PRSS36: variants seen among roughly 807,000 people sequenced by gnomAD.
PRSS36 encodes the protein polyserase-2.
PRSS36 carries 90 observed loss-of-function variants against 94.3 expected under a neutral mutation model. That is an observed-to-expected ratio of 0.95 (90% confidence interval 0.80 to 1.14). The LOEUF is 1.14. Ranked by LOEUF, PRSS36 falls within the 50% of genes most tolerant of loss-of-function variation. PRSS36 has a pLI of 0.00. For synonymous variants in PRSS36, 500 were observed against 489.6 expected, an observed-to-expected ratio of 1.02 and a Z score of -0.28; for missense variants, 1,158 against 1,135.0, an observed-to-expected ratio of 1.02 and a Z score of -0.29.
At chr16:31,148,983 G>A (rs2057849551) in intron 4 of PRSS36, 90 bp downstream of exon 4, 1 of 1,350,436 alleles carries the variant, frequency 7.4e-7, no homozygotes, top group Admixed American at 2.6e-5. Context: ...TTATCCTTGA[G>A]GACGGAAGTG....
At position 31,140,275 on chromosome 16, in the gene PRSS36, G is replaced by T; in HGVS notation, c.2289+19C>A. 6.3e-7 allele frequency: 1 copy of T among 1,591,240 alleles called. No individual in the cohort carries two copies. The highest frequency in any genetic ancestry group is 1.1e-5 in the South Asian group (1 of 89,184). ...ACTGCCTCTCCCCTGCCTACTCCAG[G>T]ACGCCCAGGCCCCTGTACCTCACAC... On this transcript the variant is annotated intron_variant, in intron 14 of 14. Transcript: ENST00000268281.
chr16:31,143,752 C>T lies in PRSS36; in HGVS notation c.806G>A (p.Arg269Gln), dbSNP rs766781807. 1.4e-5 allele frequency: 23 copies of T among 1,614,016 alleles called. No homozygotes were observed. The East Asian group carries it at 2.0e-4, about 14-fold the overall frequency. ...AGTGAAAACTCCAGGGCGGTTTCTC[C>T]GTCCACAGCCAAAGCCAAAGCTGGT... ...GITSFGFGCGRRNRPGVFTAV... is the reference protein window; with the variant it reads ...GITSFGFGCGQRNRPGVFTAV... Residue 269 changes from arginine to glutamine, a missense_variant, in exon 7 of 15, where the codon CGG (arginine) becomes CAG (glutamine). Coordinates refer to ENST00000268281, the MANE Select transcript of PRSS36 (RefSeq NM_173502.5).
rs754263964 is a variant in PRSS36 at position 31,141,859 on chromosome 16, G to C, written c.1623C>G (p.Phe541Leu). Residue 541 changes from phenylalanine to leucine, a missense_variant, in exon 11 of 15, where the codon TTC becomes TTG. Transcript: ENST00000268281. ...TCCATGGGCCATGAGTCTGCAGAGGGAAGAAGGCTCGGGGACGTAGACAGC... is the reference window on the plus strand; with the variant it reads ...TCCATGGGCCATGAGTCTGCAGAGGCAAGAAGGCTCGGGGACGTAGACAGC... Reference protein sequence around the residue: ...PSGCLRPRAFFPLQTHGPWIS... With the variant: ...PSGCLRPRAFLPLQTHGPWIS... 2.5e-6 allele frequency: 4 copies of C among 1,614,192 alleles called. No individual in the cohort carries two copies. The highest frequency in any genetic ancestry group is 3.4e-6 in the Non-Finnish European group (4 of 1,180,020).
rs141659398 is a variant in PRSS36, at chr16:31,148,629, C to T, written c.319G>A (p.Val107Met). The part of the protein sequence containing the change: ...PAAEWSVLLG[V>M]HSQDGPLDGA... The stretch of plus-strand genomic sequence containing the variant: ...TCCAGGGGCCCGTCCTGGGAGTGCA[C>T]GCCCAGCAGTACCGACCACTCGGCC... The change falls in exon 5 of 15, where the codon GTG becomes ATG. Residue 107 changes from valine to methionine, a missense_variant. Coordinates refer to ENST00000268281, the MANE Select transcript of PRSS36 (RefSeq NM_173502.5). The T allele has an allele frequency of 8.3e-5, 134 of 1,612,390 alleles. 1 individual carries two copies. The African/African-American group carries it at 1.5e-3, about 18-fold the overall frequency.
chr16:31,141,076 G>A (rs900735001), intron 12 of PRSS36, among the ~76,000 whole-genome samples: 1 of 152,098 alleles, frequency 6.6e-6, no homozygotes, highest in Non-Finnish European at 1.5e-5. Flanking sequence ...ACAGGCGCCT[G>A]CCACCACCCC....
In PRSS36 at chr16:31,143,785, G is replaced by T; in HGVS notation, c.773C>A (p.Ala258Glu). Residue 258 changes from alanine (A) to glutamate (E), a missense_variant, in exon 7 of 15, where the codon GCA (alanine) becomes GAA (glutamate). By Grantham distance (107) the Ala-to-Glu change is moderately radical. Transcript: ENST00000268281. ...VCEEGGRWFQ[A>E]GITSFGFGCG... ...GCCAAAGCCAAAGCTGGTGATTCCT[G>T]CCTGGAACCAGCGGCCGCCTTCCTC... is the stretch of plus-strand genomic sequence containing the variant. 1 of 1,614,082 alleles carries T rather than the reference G, an allele frequency of 6.2e-7. No individual in the cohort carries two copies. Among genetic ancestry groups the T allele is most frequent in the South Asian group, 1.1e-5 (1 of 91,082 alleles).
rs776517037 is a variant in PRSS36 at position 31,141,912 on chromosome 16, G to C, written c.1570C>G (p.Leu524Val). ...LLCQEEGTWF[L>V]AGIRDFPSGC... ...CTGGGAAAGTCTCTGATTCCAGCCA[G>C]AAACCAGGTCCCCTCCTCCTGGCAC... The change falls in exon 11 of 15, where the codon CTG becomes GTG. Residue 524 changes from leucine (L) to valine (V), a missense_variant. Physicochemically the swap from Leu to Val is conservative, Grantham distance 32. Coordinates refer to ENST00000268281, the MANE Select transcript of PRSS36 (RefSeq NM_173502.5). 5 of 1,614,058 alleles carry C rather than the reference G, an allele frequency of 3.1e-6. No individual in the cohort carries two copies. The South Asian group carries it at 5.5e-5, about 18-fold the overall frequency.
rs1191774584 is a variant in PRSS36 at position 31,148,415 on chromosome 16, C to T, written c.533G>A (p.Trp178Ter). 7 of 1,571,676 alleles carry T rather than the reference C, an allele frequency of 4.5e-6. No homozygotes were observed. The highest frequency in any genetic ancestry group is 2.3e-5 in the East Asian group (1 of 43,436). Residue 178 changes from tryptophan to a stop codon, truncating the protein, a stop_gained, in exon 5 of 15, where the codon TGG (tryptophan) becomes TAG (stop). Transcript: ENST00000268281. LOFTEE classifies it high-confidence loss of function. ...CTCACCTGCCTCCTGGACGTCTCCC[C>T]AGCCGGTGGCCCAGCAGGCGGTGCC... ...VHGTACWATG[W>*]GDVQEADPLP...
rs763215979 is a variant in PRSS36, at chr16:31,140,532, G to A, written c.2127C>T (p.Ala709=). The A allele has an allele frequency of 1.5e-5, 24 of 1,576,904 alleles. No individual in the cohort carries two copies. The highest frequency in any genetic ancestry group is 1.7e-4 in the Middle Eastern group (1 of 5,878). The change falls in exon 13 of 15, where the codon GCC becomes GCT. Residue 709 remains alanine, a synonymous_variant. Coordinates refer to ENST00000268281, the MANE Select transcript of PRSS36 (RefSeq NM_173502.5). Reference sequence around the variant, plus strand: ...CTTTCCAGCCCAACACCCAGCAGCTGGCCCCCGGGGGGATACCCGCCGGGT... The same window carrying A: ...CTTTCCAGCCCAACACCCAGCAGCTAGCCCCCGGGGGGATACCCGCCGGGT... The part of the protein sequence containing the change: ...CLHPAGIPPG[A]SCWVLGWKEP...
At position 31,139,244 on chromosome 16, in the gene PRSS36, C is replaced by A; in HGVS notation, c.2462G>T (p.Trp821Leu). The A allele has an allele frequency of 6.2e-7, 1 of 1,614,038 alleles. No individual in the cohort carries two copies. Among genetic ancestry groups the A allele is most frequent in the Middle Eastern group, 1.7e-4 (1 of 6,060 alleles). The change falls in exon 15 of 15, where the codon TGG becomes TTG. Residue 821 changes from tryptophan (W) to leucine (L), a missense_variant. Coordinates refer to ENST00000268281, the MANE Select transcript of PRSS36 (RefSeq NM_173502.5). ...NFLPPSGSPH[W>L]PTGGSNLCPP... ...GCAGAGATTGCTGCCTCCAGTGGGC[C>A]AGTGTGGGGAGCCACTGGGGGGCAG... is the stretch of plus-strand genomic sequence containing the variant.
At chr16:31,146,761 C>A (rs2057804249) in intron 5 of PRSS36, among the ~76,000 whole-genome samples, 2 of 152,100 alleles carry the variant, frequency 1.3e-5, no homozygotes, top group Admixed American at 1.3e-4. Context: ...AGGTGGATCA[C>A]CTGAGGTTAG....
intron 8 of PRSS36, 43 bp from the exon 9 acceptor site, chr16:31,143,036 C>T (rs1228222652): frequency 7.3e-7 from 1 of 1,375,612 alleles, no homozygotes; most frequent in Admixed American, 3.6e-5. Context: ...ATCCCGCACA[C>T]GTGGCTGGAA....
At chr16:31,143,532 C>G in intron 7 of PRSS36, 56 bp downstream of exon 7, 1 of 1,608,780 alleles carries the variant, frequency 6.2e-7, no homozygotes, top group Non-Finnish European at 8.5e-7. Context: ...CCAGCAGTCT[C>G]CATCCCAACT....
In PRSS36 at chr16:31,139,395, G is replaced by A; in HGVS notation, c.2311C>T (p.Leu771=). 1.2e-6 allele frequency: 2 copies of A among 1,614,044 alleles called. No individual in the cohort carries two copies. The highest frequency in any genetic ancestry group is 1.7e-6 in the Non-Finnish European group (2 of 1,179,956). Residue 771 remains leucine (L), a synonymous_variant, in exon 15 of 15, where the codon CTG becomes TTG. Coordinates refer to ENST00000268281, the MANE Select transcript of PRSS36 (RefSeq NM_173502.5). ...RCEMTSAPPL[L]CQMTEGSWIL... is the part of the protein sequence containing the mutation. ...CAGGACCCTTCCGTCATCTGGCACA[G>A]GAGGGGCGGTGCTGAGGTCATCTGC...
intron 11 of PRSS36, 32 bp downstream of exon 11, chr16:31,141,691 G>A: frequency 6.2e-7 from 1 of 1,607,854 alleles, no homozygotes; most frequent in Non-Finnish European, 8.5e-7. Flanking sequence ...GCACTCCCAG[G>A]AGCCCCTAGG....
At chr16:31,148,769 G>A (rs1437390832) in intron 4 of PRSS36, 94 bp from the exon 5 acceptor site, 1 of 1,512,076 alleles carries the variant, frequency 6.6e-7, no homozygotes, top group Non-Finnish European at 9.0e-7. Context: ...AGGGGCAGGT[G>A]CTATCCGATC....
intron 10 of PRSS36, among the ~76,000 whole-genome samples, chr16:31,142,261 C>G (rs568160725): frequency 9.2e-5 from 14 of 152,164 alleles, no homozygotes; most frequent in African/African-American, 3.4e-4. Flanking sequence ...TCCACCCCGG[C>G]TCCGCCCCAT....
At chr16:31,141,138 C>T (rs1009907334) in intron 12 of PRSS36, among the ~76,000 whole-genome samples, 4 of 152,084 alleles carry the variant, frequency 2.6e-5, no homozygotes, top group East Asian at 1.9e-4. Context: ...TGGCCAGGCT[C>T]GTCTTGAACT....
rs2057742050 is a variant in PRSS36, at chr16:31,143,228, C to G, written c.1100+114G>C. ...CTTTTTGTGCTGGATCCTACACCTC[C>G]GAATGGGACCCCGCCCCCCCCACAC... On this transcript the variant is annotated intron_variant, in intron 8 of 14. Coordinates refer to ENST00000268281, the MANE Select transcript of PRSS36 (RefSeq NM_173502.5). 5 of 1,471,678 alleles carry G rather than the reference C, an allele frequency of 3.4e-6. No homozygotes were observed. In the East Asian group the frequency reaches 9.2e-5, roughly 27 times the overall value. The allele number at this position is 1,471,678 out of a possible 1,614,324, so 91.2% of individuals were successfully genotyped here.
Sources: gnomAD v4.1 joint callset for allele counts (sites outside exome capture counted in the v4.1 genomes callset) on GRCh38, gnomAD v4.1.1 for gene constraint, MANE v1.5 for transcripts, NCBI Gene and HGNC (gene_info 2026-07-23, HGNC 2026-07-21) for gene names.